Variants in DENND1B observed in about 807,000 individuals in gnomAD.
DENND1B encodes the protein DENN domain-containing protein 1B.
Under a neutral mutation model 90.1 loss-of-function variants are expected in DENND1B, and 59 were observed. The ratio of observed to expected loss-of-function variants is 0.65; its 90% CI spans 0.53 to 0.81. The LOEUF (loss-of-function observed/expected upper bound fraction) is 0.81, where lower values mean the gene tolerates loss of function less well. Among genes scored for constraint, DENND1B ranks in the 40% least tolerant of loss-of-function variants. The pLI, the probability that DENND1B is intolerant of heterozygous loss-of-function variation, is 0.00. For synonymous variants in DENND1B, 337 were observed against 324.6 expected (o/e 1.04, Z -0.41); for missense variants, 862 against 912.6 (o/e 0.94, Z 0.71).
chr1:197,670,230 T>C (rs1655351525), intron 5 of DENND1B, among the ~76,000 whole-genome samples: 1 of 152,164 alleles, frequency 6.6e-6, no homozygotes, highest in Non-Finnish European at 1.5e-5. Flanking sequence ...ATTCTAAACA[T>C]TCAATAATTA....
chr1:197,744,232 T>C (rs1439519925), intron 2 of DENND1B, among the ~76,000 whole-genome samples: 1 of 152,224 alleles, frequency 6.6e-6, no homozygotes, highest in Non-Finnish European at 1.5e-5. Flanking sequence ...TGGTGAATCC[T>C]TTCCATTCAC....
upstream of DENND1B, among the ~76,000 whole-genome samples, chr1:197,778,537 G>T (rs1558512036): frequency 6.6e-6 from 1 of 152,076 alleles, no homozygotes; most frequent in Admixed American, 6.5e-5. Context: ...GCTGGGTGTG[G>T]TGGGTGGTGC....
intron 20 of DENND1B, among the ~76,000 whole-genome samples, chr1:197,528,213 T>C (rs1379696274): frequency 3.3e-5 from 5 of 152,160 alleles, no homozygotes; most frequent in Non-Finnish European, 7.4e-5. Context: ...ATTTATTATA[T>C]ATAAAAATAA....
chr1:197,536,125 GGA>G (rs71131773), intron 20 of DENND1B, among the ~76,000 whole-genome samples: 3 of 142,958 alleles, frequency 2.1e-5, no homozygotes, highest in African/African-American at 5.2e-5. Flanking sequence ...AGGGAGAGAG[GGA>G]GAGAGAGAGA....
rs533191333 is a variant in DENND1B, at chr1:197,610,442, T to A, written c.819+1489A>T. 3.9e-5 allele frequency among the ~76,000 whole-genome samples: 5 copies of A among 127,976 alleles called. No homozygotes were observed. The East Asian group carries it at 1.2e-3, about 32-fold the overall frequency. 84.0% of individuals were successfully genotyped at this position (127,976 alleles called of 152,430 possible). A position where few individuals can be genotyped will look rare whatever the true frequency, so the allele number is the denominator to read the frequency against. ...GAATCATTTGCTTTAAAAGTTGATG[T>A]AGAATCATTATGCAAAAAAAAAATT... On this transcript the variant is annotated intron_variant, in intron 12 of 22. Transcript: ENST00000620048.
At chr1:197,740,744 T>C (rs1315856792) in intron 2 of DENND1B, among the ~76,000 whole-genome samples, 1 of 152,122 alleles carries the variant, frequency 6.6e-6, no homozygotes, top group African/African-American at 2.4e-5. Flanking sequence ...ATATAACTAG[T>C]TGTTGGTTCA....
At chr1:197,669,028 G>A (rs181311530) in intron 5 of DENND1B, among the ~76,000 whole-genome samples, 1 of 152,026 alleles carries the variant, frequency 6.6e-6, no homozygotes, top group African/African-American at 2.4e-5. Context: ...TAAGTTATTA[G>A]ATGCTTTACT....
intron 10 of DENND1B, among the ~76,000 whole-genome samples, chr1:197,633,722 G>A (rs1293757759): frequency 6.6e-6 from 1 of 152,118 alleles, no homozygotes; most frequent in Non-Finnish European, 1.5e-5. Context: ...TGCAGCACTT[G>A]AAGCCTTTCT....
intron 20 of DENND1B, among the ~76,000 whole-genome samples, chr1:197,522,211 C>T (rs1668826642): frequency 6.6e-6 from 1 of 152,024 alleles, no homozygotes; most frequent in South Asian, 2.1e-4. Flanking sequence ...GCGAAATATG[C>T]TGAAAACATA....
chr1:197,768,936 T>C (rs1185114829), intron 2 of DENND1B, among the ~76,000 whole-genome samples: 1 of 152,118 alleles, frequency 6.6e-6, no homozygotes, highest in Non-Finnish European at 1.5e-5. Flanking sequence ...ATCACAATCT[T>C]ACCAGAGGAG....
intron 5 of DENND1B, among the ~76,000 whole-genome samples, chr1:197,658,685 AT>A (rs149506520): frequency 0.024 from 3,610 of 151,628 alleles, 146 homozygotes; most frequent in African/African-American, 0.081. Context: ...CTGTAAAAAA[AT>A]CATATAAAAA....
chr1:197,650,431 T>C (rs1653000005), intron 7 of DENND1B, among the ~76,000 whole-genome samples: 1 of 152,248 alleles, frequency 6.6e-6, no homozygotes, highest in Admixed American at 6.5e-5. Flanking sequence ...TGCAAACTAG[T>C]ACAGCCACTA....
intron 2 of DENND1B, among the ~76,000 whole-genome samples, chr1:197,748,506 T>C (rs1417002662): frequency 6.6e-6 from 1 of 152,098 alleles, no homozygotes; most frequent in Non-Finnish European, 1.5e-5. Context: ...ATAGGGAGCA[T>C]ATCCTAGATT....
intron 10 of DENND1B, among the ~76,000 whole-genome samples, chr1:197,634,387 A>G (rs980207885): frequency 5.3e-5 from 8 of 152,214 alleles, no homozygotes; most frequent in Non-Finnish European, 1.2e-4. Context: ...ACTGCCTGGC[A>G]TGAGTTAAGC....
intron 18 of DENND1B, among the ~76,000 whole-genome samples, chr1:197,544,795 G>A (rs6676518): frequency 4.2e-3 from 574 of 138,150 alleles, no homozygotes; most frequent in South Asian, 6.5e-3. Context: ...AAGAAGAAGA[G>A]GAGGAAGAAG....
intron 12 of DENND1B, 112 bp from the exon 13 acceptor site, chr1:197,607,286 A>T: frequency 1.6e-6 from 1 of 641,602 alleles, no homozygotes; most frequent in Non-Finnish European, 2.4e-6. Context: ...GGAAAAGAAA[A>T]AAGGAAAATC....
chr1:197,733,872 A>G (rs1465408396), intron 2 of DENND1B: 1 of 167,012 alleles, frequency 6.0e-6, no homozygotes, highest in Non-Finnish European at 1.2e-5. Flanking sequence ...CAATTCACAC[A>G]TGGGTCAGTA....
At position 197,582,518 on chromosome 1, in the gene DENND1B, A is replaced by G. The variant is rs193149367; in HGVS notation, c.1149+634T>C. Among the ~76,000 whole-genome samples the G allele has an allele frequency of 7.9e-4, 121 of 152,338 alleles. 2 individuals carry two copies. Among genetic ancestry groups the G allele is most frequent in the South Asian group, 3.9e-3 (19 of 4,832 alleles). ...TAAGAACTTAATTCAAATTTTGTAT[A>G]CAGAAACTAAGACAACCCAATTTAA... On this transcript the variant is annotated intron_variant, in intron 15 of 22. Coordinates refer to ENST00000620048, the MANE Select transcript of DENND1B (RefSeq NM_001195215.2).
intron 10 of DENND1B, among the ~76,000 whole-genome samples, chr1:197,623,070 C>G (rs1295247212): frequency 1.3e-5 from 2 of 151,282 alleles, no homozygotes; most frequent in Non-Finnish European, 3.0e-5. Context: ...TATCACCTAT[C>G]TAGATTGTGC....
Sources: allele counts gnomAD v4.1 joint callset (sites outside exome capture counted in the v4.1 genomes callset), GRCh38; gene constraint gnomAD v4.1.1; transcripts MANE v1.5; gene names NCBI Gene and HGNC (gene_info 2026-07-23, HGNC 2026-07-21).